The following GRIP1 variants were observed in gnomAD, a reference collection of about 807,000 sequenced individuals.
GRIP1 encodes the protein glutamate receptor interacting protein 1, also known as glutamate receptor-interacting protein 1.
In GRIP1, 45 loss-of-function variants were observed where a neutral mutation model predicts 129.9. The ratio of observed to expected loss-of-function variants is 0.35; its 90% CI spans 0.27 to 0.44. The LOEUF (loss-of-function observed/expected upper bound fraction) is 0.44, where lower values mean the gene tolerates loss of function less well. GRIP1 is among the 20% of genes least tolerant of loss of function. GRIP1 has a pLI of 1.00. For synonymous variants in GRIP1, 530 were observed against 520.8 expected (o/e 1.02, Z -0.24); for missense variants, 1,196 against 1,396.8 (o/e 0.86, Z 2.29).
At position 67,007,819 on chromosome 12, in the gene GRIP1, G is replaced by A. The variant is rs538570185; in HGVS notation, c.58+61231C>T. ...TTTGATATCTATACTATCAACTTGC[G>A]GGAATTTAACTACAGTCCACAATCA... On this transcript the variant is annotated intron_variant, in intron 1 of 1. Coordinates refer to the GRIP1 transcript ENST00000643019. 1.3e-3 allele frequency among the ~76,000 whole-genome samples: 198 copies of A among 152,138 alleles called. 3 individuals are homozygous for A. The South Asian group carries it at 0.039, about 30-fold the overall frequency.
intron 7 of GRIP1, among the ~76,000 whole-genome samples, chr12:66,496,276 A>T (rs1436183499): frequency 2.6e-5 from 4 of 152,092 alleles, no homozygotes; most frequent in Non-Finnish European, 5.9e-5. Context: ...AAGATAGGGG[A>T]TATGGCAGGA....
intron 2 of GRIP1, among the ~76,000 whole-genome samples, chr12:66,545,569 T>C (rs2061923346): frequency 6.6e-6 from 1 of 152,186 alleles, no homozygotes. Flanking sequence ...AAGACAACTT[T>C]AAAGTGCTTC....
intron 7 of GRIP1, among the ~76,000 whole-genome samples, chr12:66,498,039 C>T (rs981706771): frequency 5.3e-5 from 8 of 152,118 alleles, no homozygotes; most frequent in South Asian, 2.1e-4. Flanking sequence ...CACTCCTGCC[C>T]GCCAGAGAAC....
At chr12:66,885,086 A>G (rs1486603584) in intron 1 of GRIP1, among the ~76,000 whole-genome samples, 2 of 152,216 alleles carry the variant, frequency 1.3e-5, no homozygotes. Context: ...CATTTCTCCA[A>G]TTAGCCTGGT....
chr12:66,443,763 A>G (rs746805545), intron 13 of GRIP1, among the ~76,000 whole-genome samples: 4 of 152,128 alleles, frequency 2.6e-5, no homozygotes, highest in Non-Finnish European at 5.9e-5. Flanking sequence ...GCCTACTGCA[A>G]TATTCTTGAC....
chr12:66,879,728 G>A (rs904339883), intron 1 of GRIP1, among the ~76,000 whole-genome samples: 5 of 152,060 alleles, frequency 3.3e-5, no homozygotes, highest in Admixed American at 1.3e-4. Context: ...ATTTTTTCAC[G>A]GCTCAACTTG....
intron 1 of GRIP1, among the ~76,000 whole-genome samples, chr12:66,864,970 G>A (rs1430379800): frequency 6.6e-6 from 1 of 152,086 alleles, no homozygotes; most frequent in African/African-American, 2.4e-5. Flanking sequence ...AAATTTAAAT[G>A]TTCCCTTAAA....
At chr12:66,468,725 A>T (rs1219560697) in intron 7 of GRIP1, among the ~76,000 whole-genome samples, 2 of 150,164 alleles carry the variant, frequency 1.3e-5, no homozygotes, top group Non-Finnish European at 3.0e-5. Flanking sequence ...ATTAAAACTT[A>T]TATTTTTGTG....
chr12:66,977,807 A>ATTTTTTTTTTTT (rs200381983), intron 1 of GRIP1, among the ~76,000 whole-genome samples: 1 of 60,256 alleles, frequency 1.7e-5, no homozygotes, highest in African/African-American at 7.0e-5. Flanking sequence ...AGAGCTGAGC[A>ATTTTTTTTTTTT]TTTTTTTTTT....
chr12:66,538,595 T>C (rs139819036), intron 4 of GRIP1, among the ~76,000 whole-genome samples: 20 of 152,184 alleles, frequency 1.3e-4, no homozygotes, highest in African/African-American at 4.3e-4. Context: ...TTCCATTTTA[T>C]TAATGTTGTG....
chr12:66,588,985 AAATT>A (rs945774394), intron 2 of GRIP1, among the ~76,000 whole-genome samples: 13 of 86,858 alleles, frequency 1.5e-4, no homozygotes, highest in Non-Finnish European at 2.6e-4. Flanking sequence ...ACAAAAAAAA[AAATT>A]AAATAAATAA....
At chr12:66,499,598 A>G (rs902541244) in intron 7 of GRIP1, among the ~76,000 whole-genome samples, 8 of 152,222 alleles carry the variant, frequency 5.3e-5, no homozygotes, top group African/African-American at 1.4e-4. Flanking sequence ...ACAGATAACT[A>G]TAGTACTACA....
intron 23 of GRIP1, among the ~76,000 whole-genome samples, chr12:66,366,366 A>T (rs898683372): frequency 1.3e-5 from 2 of 152,234 alleles, no homozygotes; most frequent in African/African-American, 2.4e-5. Flanking sequence ...TCTAAGGAGC[A>T]AAACAACTTT....
intron 1 of GRIP1, among the ~76,000 whole-genome samples, chr12:66,819,267 T>C (rs2039278159): frequency 6.6e-6 from 1 of 152,170 alleles, no homozygotes; most frequent in Non-Finnish European, 1.5e-5. Flanking sequence ...GCTCAGTAGA[T>C]GGAAATTTTT....
At chr12:66,780,397 C>T (rs141161159) in intron 1 of GRIP1, among the ~76,000 whole-genome samples, 43 of 152,250 alleles carry the variant, frequency 2.8e-4, no homozygotes, top group Middle Eastern at 3.4e-3. Context: ...TATGGGCTCA[C>T]GGCAAGACCC....
At chr12:66,714,720 G>A (rs1318663810) in intron 1 of GRIP1, among the ~76,000 whole-genome samples, 2 of 151,896 alleles carry the variant, frequency 1.3e-5, no homozygotes, top group Non-Finnish European at 2.9e-5. Flanking sequence ...TTATTATGAT[G>A]ACCTCTTCAA....
intron 1 of GRIP1, among the ~76,000 whole-genome samples, chr12:66,834,979 C>G (rs1310310850): frequency 6.7e-6 from 1 of 149,320 alleles, no homozygotes; most frequent in Non-Finnish European, 1.5e-5. Context: ...TGATAAGCTA[C>G]ACTTTATTAA....
intron 1 of GRIP1, among the ~76,000 whole-genome samples, chr12:66,844,611 C>A (rs988054708): frequency 6.6e-6 from 1 of 152,170 alleles, no homozygotes; most frequent in Non-Finnish European, 1.5e-5. Flanking sequence ...TGGGTATATG[C>A]TGAAAACAAT....
intron 23 of GRIP1, among the ~76,000 whole-genome samples, chr12:66,361,249 G>A (rs2054747727): frequency 6.6e-6 from 1 of 152,182 alleles, no homozygotes; most frequent in African/African-American, 2.4e-5. Context: ...TGGCTGAGGA[G>A]AGAAAGGAAG....
Sources: allele counts gnomAD v4.1 joint callset (sites outside exome capture counted in the v4.1 genomes callset), GRCh38; gene constraint gnomAD v4.1.1; transcripts MANE v1.5; gene names NCBI Gene and HGNC (gene_info 2026-07-23, HGNC 2026-07-21).